OR2T6: variants seen among roughly 807,000 people sequenced by gnomAD.
OR2T6 encodes olfactory receptor family 2 subfamily T member 6, also known as olfactory receptor 2T6.
For missense variants in OR2T6, 424 were observed against 391.6 expected, an observed-to-expected ratio of 1.08 and a Z score of -0.70; for synonymous variants, 174 against 148.0, an observed-to-expected ratio of 1.18 and a Z score of -1.27.
Position 248,391,564 on chromosome 1 carries a change from T to C in OR2T6, c.*3029T>C, listed in dbSNP as rs368472716. ...CATAAGATTATGCTACATGGTACTA[T>C]GTATTTGTGGAAAAAAACATACAAC... On this transcript the variant is annotated 3_prime_UTR_variant, in exon 3 of 3. Coordinates refer to ENST00000641644, the MANE Select transcript of OR2T6 (RefSeq NM_001005471.2). The C allele has an allele frequency of 2.0e-5, 3 of 152,210 alleles. No individual in the cohort carries two copies. In the East Asian group the frequency reaches 5.8e-4, roughly 29 times the overall value. 9.4% of individuals were successfully genotyped at this position (152,210 alleles called of 1,614,324 possible). A position where few individuals can be genotyped will look rare whatever the true frequency, so the allele number is the denominator to read the frequency against.
At position 248,390,942 on chromosome 1, in the gene OR2T6, A is replaced by C. The variant is rs1661240261; in HGVS notation, c.*2407A>C. 6.6e-6 allele frequency: 1 copy of C among 152,236 alleles called. No individual in the cohort carries two copies. The highest frequency in any genetic ancestry group is 2.4e-5 in the African/African-American group (1 of 41,464). The allele number at this position is 152,236 out of a possible 1,614,324, so 9.4% of individuals were successfully genotyped here. On this transcript the variant is annotated 3_prime_UTR_variant, in exon 3 of 3. Transcript: ENST00000641644. The stretch of plus-strand genomic sequence containing the variant: ...AAAATGATGAATGTAATAAAACCTT[A>C]TAAATGCTAGTCATTATTTCAGCTA...
intron 2 of OR2T6, among the ~76,000 whole-genome samples, chr1:248,387,363 T>C (rs979938774): frequency 3.9e-5 from 6 of 152,184 alleles, no homozygotes; most frequent in Non-Finnish European, 8.8e-5. Flanking sequence ...TTAAGCCAAG[T>C]ATCAATTGCC....
intron 1 of OR2T6, among the ~76,000 whole-genome samples, chr1:248,377,978 A>C (rs1186909173): frequency 2.0e-5 from 3 of 152,218 alleles, no homozygotes; most frequent in African/African-American, 7.2e-5. Context: ...ACTAAGCTAC[A>C]CCATTATCAA....
intron 2 of OR2T6, among the ~76,000 whole-genome samples, chr1:248,385,070 T>C (rs551302633): frequency 1.6e-4 from 24 of 152,146 alleles, no homozygotes; most frequent in African/African-American, 5.8e-4. Flanking sequence ...ACTCTACCCT[T>C]TTTCTCCATA....
At chr1:248,386,221 G>A (rs1160688834) in intron 2 of OR2T6, among the ~76,000 whole-genome samples, 2 of 152,162 alleles carry the variant, frequency 1.3e-5, no homozygotes, top group Non-Finnish European at 2.9e-5. Flanking sequence ...TAAACCTGAT[G>A]AGGAAACTTT....
chr1:248,376,650 T>C (rs1168388811), intron 1 of OR2T6, among the ~76,000 whole-genome samples: 6 of 150,624 alleles, frequency 4.0e-5, no homozygotes, highest in Non-Finnish European at 8.8e-5. Context: ...ATTTTTTTAA[T>C]TTTTAAATTT....
At chr1:248,380,384 G>A (rs1404808641) in intron 1 of OR2T6, among the ~76,000 whole-genome samples, 1 of 151,752 alleles carries the variant, frequency 6.6e-6, no homozygotes, top group African/African-American at 2.4e-5. Flanking sequence ...AATATCATTA[G>A]CATGGCCAGA....
chr1:248,378,777 A>T (rs1660982513), intron 1 of OR2T6, among the ~76,000 whole-genome samples: 2 of 152,158 alleles, frequency 1.3e-5, no homozygotes, highest in South Asian at 4.1e-4. Flanking sequence ...ATAATTTTCT[A>T]TTGCTTTTTA....
rs6688853 is a variant in OR2T6, at chr1:248,384,705, G to A, written c.-158-6G>A. On this transcript the variant is annotated splice_polypyrimidine_tract_variant and splice_region_variant and intron_variant, in intron 1 of 2. Coordinates refer to ENST00000641644, the MANE Select transcript of OR2T6 (RefSeq NM_001005471.2). ...CTGTTTCTGCTCCCATTGACATTGCGGGAAGCTCCTTCTGATTCATCAGGT... is the reference window on the plus strand; with the variant it reads ...CTGTTTCTGCTCCCATTGACATTGCAGGAAGCTCCTTCTGATTCATCAGGT... 0.72 allele frequency: 70,869 copies of A among 98,418 alleles called. 26,952 individuals are homozygous for A. The highest frequency in any genetic ancestry group is 0.89 in the African/African-American group (23,152 of 26,010). 6.1% of individuals were successfully genotyped at this position (98,418 alleles called of 1,614,324 possible).
intron 1 of OR2T6, among the ~76,000 whole-genome samples, chr1:248,376,271 T>C (rs1660937930): frequency 6.6e-6 from 1 of 152,168 alleles, no homozygotes; most frequent in Non-Finnish European, 1.5e-5. Flanking sequence ...TCGAATGGGA[T>C]TGGAAGGTAG....
intron 1 of OR2T6, among the ~76,000 whole-genome samples, chr1:248,382,993 C>T (rs1304622831): frequency 1.3e-5 from 2 of 152,252 alleles, no homozygotes; most frequent in African/African-American, 4.8e-5. Flanking sequence ...GGGTAAAGCA[C>T]CGCACTTGCC....
At chr1:248,382,332 A>G (rs1057438443) in intron 1 of OR2T6, among the ~76,000 whole-genome samples, 1 of 152,140 alleles carries the variant, frequency 6.6e-6, no homozygotes, top group Non-Finnish European at 1.5e-5. Flanking sequence ...CTTTTACTTC[A>G]AATAACTTTC....
chr1:248,391,027 G>A lies in OR2T6; in HGVS notation c.*2492G>A, dbSNP rs368370490. ...TTTTACAATTTCTTTCATTTCTATCGATCCGTTACAGACAAAAGCACACTC... is the reference window on the plus strand; with the variant it reads ...TTTTACAATTTCTTTCATTTCTATCAATCCGTTACAGACAAAAGCACACTC... On this transcript the variant is annotated 3_prime_UTR_variant, in exon 3 of 3. Coordinates refer to ENST00000641644, the MANE Select transcript of OR2T6 (RefSeq NM_001005471.2). 2.6e-4 allele frequency: 40 copies of A among 151,918 alleles called. No individual in the cohort carries two copies. The highest frequency in any genetic ancestry group is 5.6e-4 in the African/African-American group (23 of 41,322). 9.4% of individuals were successfully genotyped at this position (151,918 alleles called of 1,614,324 possible). A position where few individuals can be genotyped will look rare whatever the true frequency, so the allele number is the denominator to read the frequency against.
intron 2 of OR2T6, among the ~76,000 whole-genome samples, chr1:248,386,488 A>G (rs1407093982): frequency 1.3e-5 from 2 of 152,198 alleles, no homozygotes; most frequent in Non-Finnish European, 2.9e-5. Flanking sequence ...AACACTAAGC[A>G]AAAACAAAAA....
rs770620959 is a variant in OR2T6 at position 248,388,333 on chromosome 1, C to G, written c.725C>G (p.Ser242Cys). 3 of 1,613,556 alleles carry G rather than the reference C, an allele frequency of 1.9e-6. No homozygotes were observed. Among genetic ancestry groups the G allele is most frequent in the Non-Finnish European group, 2.5e-6 (3 of 1,179,710 alleles). The change falls in exon 3 of 3, where the codon TCT (serine) becomes TGT (cysteine). Residue 242 changes from serine to cysteine, a missense_variant. By Grantham distance (112) the Ser-to-Cys change is moderately radical. Coordinates refer to ENST00000641644, the MANE Select transcript of OR2T6 (RefSeq NM_001005471.2). Reference sequence around the variant, plus strand: ...AGGAAGAAGGCCTTTGCCACCTGCTCTTCACACATGATGGTGGTGACATTG... The same window carrying G: ...AGGAAGAAGGCCTTTGCCACCTGCTGTTCACACATGATGGTGGTGACATTG... ...EGRKKAFATCSSHMMVVTLFY... is the reference protein window; with the variant it reads ...EGRKKAFATCCSHMMVVTLFY...
rs749587990 is a variant in OR2T6 at position 248,388,087 on chromosome 1, C to A, written c.479C>A (p.Thr160Asn). 11 of 1,614,028 alleles carry A rather than the reference C, an allele frequency of 6.8e-6. 1 individual carries two copies. The South Asian group carries it at 9.9e-5, about 15-fold the overall frequency. Reference sequence around the variant, plus strand: ...GGGGCTTTGGACAGTTTTCTCCTCACCCCCATTACCATGAGTCTCCCGTTC... The same window carrying A: ...GGGGCTTTGGACAGTTTTCTCCTCAACCCCATTACCATGAGTCTCCCGTTC... ...FGGALDSFLL[T>N]PITMSLPFCA... Residue 160 changes from threonine (T) to asparagine (N), a missense_variant, in exon 3 of 3, where the codon ACC becomes AAC. Thr to Asn is a moderately conservative substitution (Grantham distance 65). Coordinates refer to ENST00000641644, the MANE Select transcript of OR2T6 (RefSeq NM_001005471.2).
chr1:248,388,218 G>A lies in OR2T6; in HGVS notation c.610G>A (p.Val204Ile), dbSNP rs750710520. The change falls in exon 3 of 3, where the codon GTT (valine) becomes ATT (isoleucine). Residue 204 changes from valine (V) to isoleucine (I), a missense_variant. Transcript: ENST00000641644. ...TGAAACAGTGATGTATGTGTGCTGC[G>A]TTGCAATGCTGCTGATCCCCTTCTC... The part of the protein sequence containing the change: ...TYETVMYVCC[V>I]AMLLIPFSVV... The A allele has an allele frequency of 5.9e-5, 95 of 1,613,660 alleles. 2 individuals carry two copies. The highest frequency in any genetic ancestry group is 3.3e-4 in the Middle Eastern group (2 of 6,082).
rs1042167089 is a variant in OR2T6 at position 248,388,633 on chromosome 1, T to C, written c.*98T>C. 6 of 893,346 alleles carry C rather than the reference T, an allele frequency of 6.7e-6. No homozygotes were observed. The highest frequency in any genetic ancestry group is 1.7e-5 in the African/African-American group (1 of 60,064). The allele number at this position is 893,346 out of a possible 1,614,324, so 55.3% of individuals were successfully genotyped here. A position where few individuals can be genotyped will look rare whatever the true frequency, so the allele number is the denominator to read the frequency against. Reference sequence around the variant, plus strand: ...GTCGTATCATGGATACCACGGATGATGCTGACAGGAACTTTCAATACCAGC... The same window carrying C: ...GTCGTATCATGGATACCACGGATGACGCTGACAGGAACTTTCAATACCAGC... On this transcript the variant is annotated 3_prime_UTR_variant, in exon 3 of 3. Coordinates refer to ENST00000641644, the MANE Select transcript of OR2T6 (RefSeq NM_001005471.2).
In OR2T6 at chr1:248,387,838, T is replaced by C. The variant is rs1661169280; in HGVS notation, c.230T>C (p.Ile77Thr). ...SVIDTLYIST[I>T]VPKMLVDYLM... Reference sequence around the variant, plus strand: ...ATTGACACATTATACATCTCCACCATTGTGCCCAAGATGCTGGTAGATTAT... The same window carrying C: ...ATTGACACATTATACATCTCCACCACTGTGCCCAAGATGCTGGTAGATTAT... The change falls in exon 3 of 3, where the codon ATT (isoleucine) becomes ACT (threonine). Residue 77 changes from isoleucine to threonine, a missense_variant. Transcript: ENST00000641644. 1 of 1,603,164 alleles carries C rather than the reference T, an allele frequency of 6.2e-7. No homozygotes were observed. The highest frequency in any genetic ancestry group is 8.5e-7 in the Non-Finnish European group (1 of 1,171,868).
Sources: allele counts gnomAD v4.1 joint callset (sites outside exome capture counted in the v4.1 genomes callset), GRCh38; gene constraint gnomAD v4.1.1; transcripts MANE v1.5; gene names NCBI Gene and HGNC (gene_info 2026-07-23, HGNC 2026-07-21).